The following DNAH11 variants were observed in gnomAD, a reference collection of about 807,000 sequenced individuals.
DNAH11 encodes the protein dynein axonemal heavy chain 11.
A neutral mutation model predicts 526.0 loss-of-function variants in DNAH11; 442 were observed. The ratio of observed to expected loss-of-function variants is 0.84; its 90% CI spans 0.78 to 0.91. The LOEUF is 0.91. Among genes scored for constraint, DNAH11 ranks in the 40% least tolerant of loss-of-function variants. The pLI is 0.00. For missense variants in DNAH11, 6,989 were observed against 5,448.7 expected (o/e 1.28, Z -8.90); for synonymous variants, 2,461 against 1,935.9 (o/e 1.27, Z -7.12).
intron 66 of DNAH11, chr7:21,851,263 C>G (rs1782622103): frequency 4.2e-6 from 1 of 240,798 alleles, no homozygotes; most frequent in African/African-American, 2.2e-5. Flanking sequence ...TTGCTGGGCA[C>G]TTCTCTCTGC....
intron 68 of DNAH11, among the ~76,000 whole-genome samples, chr7:21,855,130 C>T (rs1223693113): frequency 6.7e-6 from 1 of 149,288 alleles, no homozygotes; most frequent in Non-Finnish European, 1.5e-5. Context: ...CTTCCGGGTT[C>T]ACTCCATTCT....
At chr7:21,862,563 T>A (rs1394965402) in intron 69 of DNAH11, among the ~76,000 whole-genome samples, 1 of 152,194 alleles carries the variant, frequency 6.6e-6, no homozygotes, top group Non-Finnish European at 1.5e-5. Context: ...GATGGATATA[T>A]GAATTAGCTT....
At chr7:21,810,792 A>G (rs1052264910) in intron 63 of DNAH11, among the ~76,000 whole-genome samples, 5 of 152,266 alleles carry the variant, frequency 3.3e-5, no homozygotes, top group South Asian at 2.1e-4. Context: ...AGTGACTAGC[A>G]GAAGAGTTAA....
chr7:21,868,913 T>C lies in DNAH11; in HGVS notation c.11889T>C (p.Ser3963=), dbSNP rs2128035701. The change falls in exon 73 of 82, where the codon TCT becomes TCC. Residue 3963 remains serine (S), a synonymous_variant. Transcript: ENST00000409508. ...TIDSGKFHNV[S]LGQGQETVAE... ...ACTCTGGAAAATTCCACAATGTGTC[T>C]TTAGGACAAGGTCAGGAGACGGTGG... The C allele has an allele frequency of 1.9e-6, 3 of 1,614,022 alleles. No homozygotes were observed. The highest frequency in any genetic ancestry group is 1.3e-5 in the African/African-American group (1 of 75,064).
intron 22 of DNAH11, 102 bp downstream of exon 22, chr7:21,616,394 A>G (rs1306269964): frequency 3.5e-6 from 3 of 858,366 alleles, no homozygotes; most frequent in Middle Eastern, 2.3e-4. Flanking sequence ...GCATGTACTT[A>G]TTTACTTCTA....
chr7:21,620,587 A>G (rs112557552), intron 25 of DNAH11, among the ~76,000 whole-genome samples: 4,352 of 151,978 alleles, frequency 0.029, 210 homozygotes, highest in African/African-American at 0.099. Context: ...ATTATACTTT[A>G]AGTTTTAGGG....
In DNAH11 at chr7:21,600,842, G is replaced by T; in HGVS notation, c.3167G>T (p.Gly1056Val). The T allele has an allele frequency of 8.7e-6, 14 of 1,613,932 alleles. No homozygotes were observed. Among genetic ancestry groups the T allele is most frequent in the Non-Finnish European group, 1.0e-5 (12 of 1,179,860 alleles). Reference sequence around the variant, plus strand: ...TTTATGAAGCATTTTCTCTTGTATGGCCATGCTGTGTCTTCCGATGAAATG... The same window carrying T: ...TTTATGAAGCATTTTCTCTTGTATGTCCATGCTGTGTCTTCCGATGAAATG... The part of the protein sequence containing the change: ...AEFMKHFLLY[G>V]HAVSSDEMDA... Residue 1056 changes from glycine to valine, a missense_variant, in exon 16 of 82, where the codon GGC becomes GTC. Coordinates refer to ENST00000409508, the MANE Select transcript of DNAH11 (RefSeq NM_001277115.2).
At position 21,554,133 on chromosome 7, in the gene DNAH11, G is replaced by A. The variant is rs986794130; in HGVS notation, c.496-4669G>A. Among the ~76,000 whole-genome samples, 3 of 143,474 alleles carry A rather than the reference G, an allele frequency of 2.1e-5. No homozygotes were observed. In the South Asian group the frequency reaches 6.6e-4, roughly 31 times the overall value. The allele number at this position is 143,474 out of a possible 152,430, so 94.1% of individuals were successfully genotyped here. A position where few individuals can be genotyped will look rare whatever the true frequency, so the allele number is the denominator to read the frequency against. On this transcript the variant is annotated intron_variant, in intron 2 of 81. Transcript: ENST00000409508. ...GACTTTTTGATCCTTTTTATTATTA[G>A]TTCCCTGAGGTTCTGCATTTGTGTC...
At chr7:21,584,873 T>A (rs184922493) in intron 9 of DNAH11, among the ~76,000 whole-genome samples, 1,615 of 150,748 alleles carry the variant, frequency 0.011, 56 homozygotes, top group South Asian at 0.071. Flanking sequence ...TCAAGTATTA[T>A]TTTTTTACAT....
At chr7:21,544,280 C>T (rs918411625) in intron 1 of DNAH11, among the ~76,000 whole-genome samples, 1 of 152,112 alleles carries the variant, frequency 6.6e-6, no homozygotes, top group African/African-American at 2.4e-5. Flanking sequence ...TTAAGTAGCG[C>T]AATGCTCAGT....
rs569576133 is a variant in DNAH11, at chr7:21,760,024, G to A, written c.8941-5404G>A. 2.6e-5 allele frequency among the ~76,000 whole-genome samples: 4 copies of A among 152,230 alleles called. No homozygotes were observed. In the East Asian group the frequency reaches 7.7e-4, roughly 29 times the overall value. On this transcript the variant is annotated intron_variant, in intron 54 of 81. Transcript: ENST00000409508. ...TGAGAAAAGAGCACAGCTGCCAGAG[G>A]CGTTTTTAACTTTATTTTTTCACGG... is the stretch of plus-strand genomic sequence containing the variant.
At position 21,787,694 on chromosome 7, in the gene DNAH11, G is replaced by A. The variant is rs1583695017; in HGVS notation, c.9924+111G>A. On this transcript the variant is annotated intron_variant, in intron 60 of 81. Coordinates refer to ENST00000409508, the MANE Select transcript of DNAH11 (RefSeq NM_001277115.2). ...ATTTGTTATTTCATTTTCTGAATAA[G>A]GATATGTAGTTCTAAGACTAAGACA... 6.3e-6 allele frequency: 6 copies of A among 946,664 alleles called. No homozygotes were observed. In the East Asian group the frequency reaches 1.6e-4, roughly 26 times the overall value. 58.6% of individuals were successfully genotyped at this position (946,664 alleles called of 1,614,324 possible). A position where few individuals can be genotyped will look rare whatever the true frequency, so the allele number is the denominator to read the frequency against.
chr7:21,602,020 T>C (rs1180086856), intron 18 of DNAH11, among the ~76,000 whole-genome samples: 2 of 152,178 alleles, frequency 1.3e-5, no homozygotes, highest in South Asian at 4.1e-4. Context: ...GCCCTAGTCT[T>C]GCAAACGTAT....
intron 45 of DNAH11, among the ~76,000 whole-genome samples, chr7:21,733,755 A>T (rs1303836531): frequency 6.6e-6 from 1 of 152,212 alleles, no homozygotes; most frequent in Non-Finnish European, 1.5e-5. Flanking sequence ...ATATTATGCC[A>T]TTATATGTCA....
intron 35 of DNAH11, among the ~76,000 whole-genome samples, chr7:21,697,821 G>A (rs776284089): frequency 2.6e-5 from 4 of 152,158 alleles, no homozygotes; most frequent in Non-Finnish European, 5.9e-5. Flanking sequence ...TTTACAGAAT[G>A]TATTCATGGA....
At chr7:21,780,439 C>T (rs1787892665) in intron 57 of DNAH11, among the ~76,000 whole-genome samples, 1 of 152,170 alleles carries the variant, frequency 6.6e-6, no homozygotes, top group Admixed American at 6.5e-5. Context: ...AGGTATCACA[C>T]ATGATACAGT....
At chr7:21,754,589 A>G (rs1179646740) in intron 54 of DNAH11, among the ~76,000 whole-genome samples, 1 of 149,494 alleles carries the variant, frequency 6.7e-6, no homozygotes, top group East Asian at 2.0e-4. Flanking sequence ...TCATCACAGG[A>G]CTATTAATTG....
chr7:21,868,429 G>T (rs1191156735), intron 72 of DNAH11, among the ~76,000 whole-genome samples: 3 of 152,090 alleles, frequency 2.0e-5, no homozygotes, highest in Non-Finnish European at 4.4e-5. Flanking sequence ...GCTGTGACCT[G>T]ACTGTGCTCA....
intron 12 of DNAH11, among the ~76,000 whole-genome samples, chr7:21,590,257 TAAAC>T (rs1227922793): frequency 6.6e-6 from 1 of 152,172 alleles, no homozygotes; most frequent in Non-Finnish European, 1.5e-5. Flanking sequence ...GTATATATTT[TAAAC>T]AAACGATCTC....
Sources: gnomAD v4.1 joint callset for allele counts (sites outside exome capture counted in the v4.1 genomes callset) on GRCh38, gnomAD v4.1.1 for gene constraint, MANE v1.5 for transcripts, NCBI Gene and HGNC (gene_info 2026-07-23, HGNC 2026-07-21) for gene names.